Variants in GSE1 observed in about 807,000 individuals in gnomAD.
The protein encoded by GSE1 is genetic suppressor element 1.
In GSE1, 32 loss-of-function variants were observed where a neutral mutation model predicts 112.6. The observed-to-expected ratio is 0.28, with a 90% confidence interval of 0.21 to 0.38. GSE1 has a LOEUF of 0.38. Ranked by LOEUF, GSE1 falls within the 10% of genes least tolerant of loss-of-function variation. The pLI is 1.00. For synonymous variants in GSE1, 1,115 were observed against 735.6 expected (o/e 1.52, Z -8.35); for missense variants, 2,348 against 1,699.2 (o/e 1.38, Z -6.71).
At chr16:85,442,203 C>T (rs2049391974) in intron 2 of GSE1, among the ~76,000 whole-genome samples, 1 of 152,224 alleles carries the variant, frequency 6.6e-6, no homozygotes, top group African/African-American at 2.4e-5. Context: ...TCAGAGAGGC[C>T]TTTGCTGCCC....
chr16:85,341,285 C>A (rs1420951952), intron 1 of GSE1, among the ~76,000 whole-genome samples: 2 of 152,056 alleles, frequency 1.3e-5, no homozygotes, highest in African/African-American at 4.8e-5. Flanking sequence ...GACCTCCTGG[C>A]CTCAAGTGAT....
chr16:85,275,807 G>A (rs935216471), intron 1 of GSE1, among the ~76,000 whole-genome samples: 24 of 152,230 alleles, frequency 1.6e-4, no homozygotes, highest in Non-Finnish European at 8.8e-5. Flanking sequence ...TGGCGCCCTC[G>A]GCCTGGGAAG....
chr16:85,522,700 T>C (rs987657016), intron 2 of GSE1, among the ~76,000 whole-genome samples: 2 of 152,076 alleles, frequency 1.3e-5, no homozygotes, highest in African/African-American at 4.8e-5. Context: ...TGGGTGCTCG[T>C]GTGGGTGTCT....
At chr16:85,343,148 C>T (rs1597443014) in intron 1 of GSE1, among the ~76,000 whole-genome samples, 1 of 152,130 alleles carries the variant, frequency 6.6e-6, no homozygotes, top group Admixed American at 6.5e-5. Flanking sequence ...GGCGCGTCCA[C>T]ACTACGGCAC....
At chr16:85,172,471 C>T (rs2074376576) in intron 1 of GSE1, among the ~76,000 whole-genome samples, 1 of 152,238 alleles carries the variant, frequency 6.6e-6, no homozygotes, top group Non-Finnish European at 1.5e-5. Context: ...AGGCCTGGCA[C>T]TCTCCCTGTT....
intron 2 of GSE1, chr16:85,359,503 C>G (rs938591445): frequency 2.3e-6 from 1 of 439,216 alleles, no homozygotes; most frequent in Non-Finnish European, 4.6e-6. Flanking sequence ...AGCCTCTGTC[C>G]TCACATCTGT....
At chr16:85,636,567 C>T (rs1437325853) in intron 2 of GSE1, among the ~76,000 whole-genome samples, 1 of 152,214 alleles carries the variant, frequency 6.6e-6, no homozygotes, top group Non-Finnish European at 1.5e-5. Flanking sequence ...ATGGAACTGG[C>T]CGGCAGCCCT....
At chr16:85,312,930 G>A (rs377611108) in intron 1 of GSE1, among the ~76,000 whole-genome samples, 32 of 152,304 alleles carry the variant, frequency 2.1e-4, no homozygotes, top group Middle Eastern at 3.4e-3. Context: ...CAGGTGTGAC[G>A]GAAGTGCTGA....
At chr16:85,598,922 G>T (rs1032127024) in intron 1 of GSE1, among the ~76,000 whole-genome samples, 9 of 152,220 alleles carry the variant, frequency 5.9e-5, no homozygotes, top group African/African-American at 2.2e-4. Flanking sequence ...GGAGCATCGG[G>T]GCAGTGGTTG....
chr16:85,233,289 C>A (rs1567626912), intron 1 of GSE1, among the ~76,000 whole-genome samples: 1 of 152,240 alleles, frequency 6.6e-6, no homozygotes, highest in Admixed American at 6.5e-5. Context: ...ACTATCCACC[C>A]ACCAGGTGTT....
chr16:85,627,130 A>C (rs1377644911), intron 1 of GSE1, among the ~76,000 whole-genome samples: 2 of 105,844 alleles, frequency 1.9e-5, no homozygotes, highest in Non-Finnish European at 3.4e-5. Flanking sequence ...GAATAGGAGA[A>C]AGTATTGATT....
chr16:85,372,630 G>A (rs755119892), intron 2 of GSE1, among the ~76,000 whole-genome samples: 13 of 152,128 alleles, frequency 8.5e-5, no homozygotes, highest in African/African-American at 2.4e-4. Context: ...AACAGGATTC[G>A]TGCAACCCGT....
intron 1 of GSE1, among the ~76,000 whole-genome samples, chr16:85,269,167 A>G (rs532931711): frequency 2.0e-5 from 3 of 149,256 alleles, no homozygotes; most frequent in African/African-American, 7.3e-5. Flanking sequence ...TTACCATGCC[A>G]TCTAATATGG....
chr16:85,254,786 G>C lies in GSE1; in HGVS notation c.2283+82979G>C, dbSNP rs142442350. On this transcript the variant is annotated intron_variant, in intron 1 of 2. Coordinates refer to the GSE1 transcript ENST00000637419. The stretch of plus-strand genomic sequence containing the variant: ...GAAGGACGCAGGCAGAGGGGTCCCA[G>C]TCAGGGGCAGGAGCTGGCCTAGAGC... 1.7e-3 allele frequency among the ~76,000 whole-genome samples: 259 copies of C among 152,354 alleles called. 3 individuals are homozygous for C. The highest frequency in any genetic ancestry group is 6.0e-3 in the African/African-American group (250 of 41,578).
chr16:85,212,244 A>G (rs1159773989), intron 1 of GSE1, among the ~76,000 whole-genome samples: 2 of 152,084 alleles, frequency 1.3e-5, no homozygotes, highest in Non-Finnish European at 2.9e-5. Context: ...TGTCTCTACT[A>G]AAAATACAAA....
chr16:85,501,007 T>G (rs111697285), intron 2 of GSE1, among the ~76,000 whole-genome samples: 9 of 134,096 alleles, frequency 6.7e-5, no homozygotes, highest in South Asian at 2.6e-4. Flanking sequence ...TGTTTTTTTT[T>G]TTTTTTTTTT....
chr16:85,555,552 T>C (rs890390373), upstream of GSE1: 3 of 972,644 alleles, frequency 3.1e-6, no homozygotes, highest in African/African-American at 1.8e-5. Context: ...AATTTTCTCC[T>C]CTCCCCTCTC....
At chr16:85,632,774 C>T (rs887789116) in intron 1 of GSE1, among the ~76,000 whole-genome samples, 8 of 152,148 alleles carry the variant, frequency 5.3e-5, no homozygotes, top group East Asian at 1.9e-4. Flanking sequence ...GTGGCCCCAG[C>T]GCCCCCCCGC....
intron 1 of GSE1, among the ~76,000 whole-genome samples, chr16:85,232,674 G>A (rs993350124): frequency 9.9e-5 from 15 of 152,224 alleles, no homozygotes; most frequent in African/African-American, 3.4e-4. Context: ...GCTCCAGCCA[G>A]TGGGGTCCTG....
Sources: allele counts gnomAD v4.1 joint callset (sites outside exome capture counted in the v4.1 genomes callset), GRCh38; gene constraint gnomAD v4.1.1; transcripts MANE v1.5; gene names NCBI Gene and HGNC (gene_info 2026-07-23, HGNC 2026-07-21).